ANKRD29: variants seen among roughly 807,000 people sequenced by gnomAD.
ANKRD29 encodes ankyrin repeat domain-containing protein 29.
In ANKRD29, 32 loss-of-function variants were observed where a neutral mutation model predicts 38.0. That is an observed-to-expected ratio of 0.84 (90% CI 0.64 to 1.13). The LOEUF is 1.13. Among genes scored for constraint, ANKRD29 ranks in the 50% most tolerant of loss-of-function variants. The probability of loss-of-function intolerance (pLI) is 0.00; values close to 1 mark genes in which losing one functional copy is unlikely to be tolerated. For missense variants in ANKRD29, 357 were observed against 377.9 expected, an observed-to-expected ratio of 0.94 and a Z score of 0.46; for synonymous variants, 135 against 152.4, an observed-to-expected ratio of 0.89 and a Z score of 0.84.
At chr18:23,634,988 G>A (rs1015155826) in intron 4 of ANKRD29, among the ~76,000 whole-genome samples, 9 of 152,162 alleles carry the variant, frequency 5.9e-5, no homozygotes, top group Non-Finnish European at 8.8e-5. Flanking sequence ...TTAAAAGAGC[G>A]GATAGCTATG....
chr18:23,644,903 G>C (rs2060119277), intron 3 of ANKRD29, among the ~76,000 whole-genome samples: 1 of 152,274 alleles, frequency 6.6e-6, no homozygotes, highest in Middle Eastern at 3.4e-3. Context: ...ATGGGGTCTT[G>C]CTATGTTGCC....
chr18:23,641,291 C>T (rs55965189), intron 3 of ANKRD29, among the ~76,000 whole-genome samples: 4,356 of 152,296 alleles, frequency 0.029, 183 homozygotes, highest in East Asian at 0.093. Flanking sequence ...GCTGCAGCTC[C>T]GGTTCTGGGC....
intron 4 of ANKRD29, among the ~76,000 whole-genome samples, chr18:23,636,295 C>T (rs1452499373): frequency 6.6e-6 from 1 of 151,822 alleles, no homozygotes; most frequent in East Asian, 1.9e-4. Flanking sequence ...GTTACTGTGC[C>T]AGCTTTTAAA....
At chr18:23,624,324 G>A (rs1024736395) in intron 6 of ANKRD29, among the ~76,000 whole-genome samples, 5 of 151,656 alleles carry the variant, frequency 3.3e-5, no homozygotes, top group South Asian at 2.1e-4. Flanking sequence ...AAAGTTAGCC[G>A]GGTGTGGTGG....
intron 6 of ANKRD29, among the ~76,000 whole-genome samples, chr18:23,623,633 A>G (rs1004449676): frequency 6.6e-6 from 1 of 151,902 alleles, no homozygotes; most frequent in Non-Finnish European, 1.5e-5. Context: ...AAAAAAAAGA[A>G]CAATGATTTC....
In ANKRD29 at chr18:23,599,960, T is replaced by C. The variant is rs993423143; in HGVS notation, c.*1266A>G. On this transcript the variant is annotated 3_prime_UTR_variant, in exon 10 of 10. Transcript: ENST00000592179. ...ATTTTCCTCTAAAAGTGTCTTTACA[T>C]AGACACTGACTGAAAACCAGAGCAG... The C allele has an allele frequency of 1.3e-5, 2 of 152,238 alleles. No homozygotes were observed. The highest frequency in any genetic ancestry group is 2.9e-5 in the Non-Finnish European group (2 of 68,038). 9.4% of individuals were successfully genotyped at this position (152,238 alleles called of 1,614,324 possible). A position where few individuals can be genotyped will look rare whatever the true frequency, so the allele number is the denominator to read the frequency against.
chr18:23,619,736 A>G, intron 6 of ANKRD29, 107 bp from the exon 7 acceptor site: 2 of 880,492 alleles, frequency 2.3e-6, no homozygotes, highest in Non-Finnish European at 3.3e-6. Flanking sequence ...CCGGGAAGGC[A>G]CTCCCTGACC....
chr18:23,615,932 A>G (rs998337494), intron 8 of ANKRD29, among the ~76,000 whole-genome samples: 29 of 143,372 alleles, frequency 2.0e-4, no homozygotes, highest in Non-Finnish European at 3.8e-4. Context: ...TGTATATATT[A>G]TATAGTATAT....
chr18:23,612,994 T>C (rs7233097), intron 8 of ANKRD29, among the ~76,000 whole-genome samples: 26 of 151,958 alleles, frequency 1.7e-4, no homozygotes, highest in African/African-American at 6.0e-4. Flanking sequence ...TAAAAACCAC[T>C]CTGATTTTGT....
intron 5 of ANKRD29, among the ~76,000 whole-genome samples, chr18:23,632,549 T>TATATATATATATATATATATATATATG (rs2059948142): frequency 1.8e-5 from 1 of 55,782 alleles, no homozygotes; most frequent in South Asian, 6.3e-4. Context: ...ATATATATAT[T>TATATATATATATATATATATATATATG]ACACACTCTC....
chr18:23,658,340 C>G (rs2060310915), intron 1 of ANKRD29, among the ~76,000 whole-genome samples: 1 of 152,168 alleles, frequency 6.6e-6, no homozygotes, highest in African/African-American at 2.4e-5. Context: ...CCCAGGAGGT[C>G]AAGGCTGTAG....
intron 1 of ANKRD29, 51 bp downstream of exon 1, chr18:23,662,659 C>A (rs2060381756): frequency 7.8e-7 from 1 of 1,287,072 alleles, no homozygotes; most frequent in South Asian, 1.6e-5. Flanking sequence ...CCCGCGGGCC[C>A]GGCCGCCCGA....
intron 9 of ANKRD29, among the ~76,000 whole-genome samples, chr18:23,603,211 C>A (rs2063465809): frequency 6.6e-6 from 1 of 152,194 alleles, no homozygotes; most frequent in African/African-American, 2.4e-5. Flanking sequence ...ACTTTAAAAC[C>A]CACAGGTTTA....
At position 23,629,955 on chromosome 18, in the gene ANKRD29, A is replaced by T; in HGVS notation, c.430-4T>A. The T allele has an allele frequency of 6.2e-7, 1 of 1,609,310 alleles. No individual in the cohort carries two copies. Among genetic ancestry groups the T allele is most frequent in the Non-Finnish European group, 8.5e-7 (1 of 1,175,870 alleles). The stretch of plus-strand genomic sequence containing the variant: ...GGAAGAGGGCAGTGGCTCCATCCTG[A>T]GAGAGAACAAATTAAAAGCATTAAA... On this transcript the variant is annotated splice_polypyrimidine_tract_variant and splice_region_variant and intron_variant, in intron 5 of 9. Transcript: ENST00000592179.
intron 6 of ANKRD29, among the ~76,000 whole-genome samples, chr18:23,627,204 T>G (rs1479882474): frequency 5.9e-5 from 9 of 152,196 alleles, no homozygotes; most frequent in Non-Finnish European, 1.2e-4. Context: ...TAAAAATTAT[T>G]ATGATTTGAG....
At chr18:23,618,364 G>C (rs576809176) in intron 7 of ANKRD29, among the ~76,000 whole-genome samples, 1 of 152,348 alleles carries the variant, frequency 6.6e-6, no homozygotes, top group Admixed American at 6.5e-5. Context: ...GCTCACGCCT[G>C]TAATTCTAGC....
rs147358051 is a variant in ANKRD29 at position 23,612,114 on chromosome 18, G to T, written c.800C>A (p.Ala267Glu). The T allele has an allele frequency of 6.4e-5, 103 of 1,613,598 alleles. No individual in the cohort carries two copies. Among genetic ancestry groups the T allele is most frequent in the Non-Finnish European group, 8.4e-5 (99 of 1,179,962 alleles). ...TACCTTGTTTCTCAGGGATGGGTCTGCCCCTGCTTCTAGGAGCAGCGCAAC... is the reference window on the plus strand; with the variant it reads ...TACCTTGTTTCTCAGGGATGGGTCTTCCCCTGCTTCTAGGAGCAGCGCAAC... ...KTVALLLEAG[A>E]DPSLRNKANE... Residue 267 changes from alanine to glutamate, a missense_variant, in exon 9 of 10, where the codon GCA (alanine) becomes GAA (glutamate). Transcript: ENST00000592179.
chr18:23,621,210 G>A (rs1039109385), intron 6 of ANKRD29, among the ~76,000 whole-genome samples: 1 of 152,252 alleles, frequency 6.6e-6, no homozygotes, highest in Non-Finnish European at 1.5e-5. Flanking sequence ...CCCATCGGGG[G>A]AAGGGGGGCT....
intron 5 of ANKRD29, among the ~76,000 whole-genome samples, chr18:23,633,472 A>G (rs186023637): frequency 1.6e-3 from 251 of 152,338 alleles, no homozygotes; most frequent in African/African-American, 5.7e-3. Context: ...TAAGTATCAC[A>G]TGATTTTTGA....
Sources: gnomAD v4.1 joint callset for allele counts (sites outside exome capture counted in the v4.1 genomes callset) on GRCh38, gnomAD v4.1.1 for gene constraint, MANE v1.5 for transcripts, NCBI Gene and HGNC (gene_info 2026-07-23, HGNC 2026-07-21) for gene names.